TEX11: variants seen among roughly 807,000 people sequenced by gnomAD.
The protein encoded by TEX11 is testis-expressed protein 11.
Under a neutral mutation model 84.4 loss-of-function variants are expected in TEX11, and 7 were observed. The ratio of observed to expected loss-of-function variants is 0.08; its 90% CI spans 0.05 to 0.16. TEX11 has a LOEUF of 0.16. Among genes scored for constraint, TEX11 ranks in the 10% least tolerant of loss-of-function variants. The probability of loss-of-function intolerance (pLI) is 1.00; values close to 1 mark genes in which losing one functional copy is unlikely to be tolerated. For synonymous variants in TEX11, 264 were observed against 222.8 expected (o/e 1.18, Z -1.64); for missense variants, 551 against 660.5 (o/e 0.83, Z 1.82).
chrX:70,511,227 A>G, the TEX11 span, among the ~76,000 whole-genome samples: 1 of 112,182 alleles, frequency 8.9e-6, no homozygotes, highest in Non-Finnish European at 1.9e-5. Flanking sequence ...AGTTGCCGCA[A>G]TTCAATTCTT....
chrX:70,628,626 G>T (rs1486285667), intron 18 of TEX11, among the ~76,000 whole-genome samples: 1 of 112,141 alleles, frequency 8.9e-6, no homozygotes, highest in East Asian at 2.8e-4. Context: ...GGTCCTGAAG[G>T]AACATATTTC....
At chrX:70,792,330 AT>A (rs2091127538) in intron 9 of TEX11, among the ~76,000 whole-genome samples, 1 of 8,048 alleles carries the variant, frequency 1.2e-4, no homozygotes, top group African/African-American at 6.6e-4. Context: ...ATATATATAT[AT>A]ATATATATAT....
intron 2 of TEX11, among the ~76,000 whole-genome samples, chrX:70,891,681 G>GAAA (rs1311197994): frequency 9.0e-6 from 1 of 111,129 alleles, no homozygotes; most frequent in South Asian, 3.8e-4. Flanking sequence ...AAAGGTTAGA[G>GAAA]AAAAAAGAGT....
chrX:70,791,208 G>A (rs2091116316), intron 9 of TEX11, among the ~76,000 whole-genome samples: 1 of 111,144 alleles, frequency 9.0e-6, no homozygotes, highest in African/African-American at 3.3e-5. Flanking sequence ...AAAAGCAGGG[G>A]TCACTATTCT....
At chrX:70,884,522 T>C in intron 2 of TEX11, among the ~76,000 whole-genome samples, 1 of 111,747 alleles carries the variant, frequency 8.9e-6, no homozygotes, top group East Asian at 2.8e-4. Flanking sequence ...TCCAAAACAG[T>C]GTCAAAAGGG....
chrX:70,842,373 A>G (rs994824431), intron 7 of TEX11, among the ~76,000 whole-genome samples: 1 of 111,519 alleles, frequency 9.0e-6, no homozygotes, highest in Non-Finnish European at 1.9e-5. Flanking sequence ...AGAACCAAAG[A>G]CAAAAACCAC....
At chrX:70,703,098 A>T (rs1030588531) in intron 13 of TEX11, among the ~76,000 whole-genome samples, 2 of 111,486 alleles carry the variant, frequency 1.8e-5, no homozygotes, top group Non-Finnish European at 3.8e-5. Context: ...AAATGAGGAA[A>T]CTGAGGCACA....
intron 7 of TEX11, among the ~76,000 whole-genome samples, chrX:70,840,885 G>T (rs1330689034): frequency 1.8e-5 from 2 of 111,044 alleles, no homozygotes; most frequent in African/African-American, 6.5e-5. Flanking sequence ...GACAAAGAAG[G>T]CCATTACATA....
intron 17 of TEX11, among the ~76,000 whole-genome samples, chrX:70,632,733 A>C (rs1362273442): frequency 2.7e-5 from 3 of 111,612 alleles, no homozygotes; most frequent in African/African-American, 6.5e-5. Flanking sequence ...ATAAATTACA[A>C]ATATCAGAAA....
At chrX:70,742,673 T>G (rs925557771) in intron 10 of TEX11, among the ~76,000 whole-genome samples, 17 of 110,492 alleles carry the variant, frequency 1.5e-4, no homozygotes, top group Admixed American at 8.8e-4. Flanking sequence ...AAGGTTACAG[T>G]GAGCTGATCA....
intron 2 of TEX11, among the ~76,000 whole-genome samples, chrX:70,886,357 T>C (rs1209448598): frequency 8.9e-6 from 1 of 112,070 alleles, no homozygotes; most frequent in Non-Finnish European, 1.9e-5. Flanking sequence ...AAATACTGCA[T>C]GGTTCCACTT....
chrX:70,586,390 TG>T (rs1020486670), intron 25 of TEX11, among the ~76,000 whole-genome samples: 3 of 112,051 alleles, frequency 2.7e-5, no homozygotes, highest in African/African-American at 9.7e-5. Context: ...AAAGAAAACA[TG>T]CAGGAGAAAA....
chrX:70,549,457 T>A, intron 28 of TEX11, among the ~76,000 whole-genome samples: 1 of 111,578 alleles, frequency 9.0e-6, no homozygotes, highest in Non-Finnish European at 1.9e-5. Context: ...GAGCACCAAG[T>A]GGGCTCCTAG....
At chrX:70,760,449 A>C (rs2090901068) in intron 9 of TEX11, among the ~76,000 whole-genome samples, 1 of 111,599 alleles carries the variant, frequency 9.0e-6, no homozygotes, top group South Asian at 3.8e-4. Context: ...GAGGCTTCAG[A>C]CACCACACAT....
At chrX:70,833,985 A>G (rs1436670772) in intron 7 of TEX11, among the ~76,000 whole-genome samples, 1 of 111,460 alleles carries the variant, frequency 9.0e-6, no homozygotes, top group Non-Finnish European at 1.9e-5. Flanking sequence ...CAAGATCACA[A>G]TAACCTCATA....
chrX:70,722,529 C>T (rs1287360737), intron 13 of TEX11, 89 bp downstream of exon 13: 1 of 718,546 alleles, frequency 1.4e-6, no homozygotes, highest in South Asian at 2.5e-5. Flanking sequence ...CCCGCCTCAG[C>T]CTCTCCAAGT....
intron 25 of TEX11, among the ~76,000 whole-genome samples, chrX:70,587,840 A>T (rs771706913): frequency 8.9e-6 from 1 of 112,547 alleles, no homozygotes; most frequent in African/African-American, 3.2e-5. Flanking sequence ...GGGAGGCTGT[A>T]CCCTGCAAAG....
chrX:70,642,649 A>G (rs2089677860), intron 17 of TEX11, among the ~76,000 whole-genome samples: 1 of 93,435 alleles, frequency 1.1e-5, no homozygotes, highest in Admixed American at 1.2e-4. Flanking sequence ...CAGCATATAA[A>G]CAGAGCCAAA....
At chrX:70,548,717 G>A (rs2088172263) in intron 28 of TEX11, among the ~76,000 whole-genome samples, 1 of 111,930 alleles carries the variant, frequency 8.9e-6, no homozygotes, top group Admixed American at 9.4e-5. Context: ...ATTTAGACCA[G>A]CCCTAGCTAG....
Sources: gnomAD v4.1 joint callset for allele counts (sites outside exome capture counted in the v4.1 genomes callset) on GRCh38, gnomAD v4.1.1 for gene constraint, MANE v1.5 for transcripts, NCBI Gene and HGNC (gene_info 2026-07-23, HGNC 2026-07-21) for gene names.